The following PCDH15 variants were observed in gnomAD, a reference collection of about 807,000 sequenced individuals.
The protein encoded by PCDH15 is protocadherin related 15.
Under a neutral mutation model 178.5 loss-of-function variants are expected in PCDH15, and 129 were observed. The observed-to-expected ratio is 0.72, with a 90% CI of 0.63 to 0.84. PCDH15 has a LOEUF of 0.84. Ranked by LOEUF, PCDH15 falls within the 40% of genes least tolerant of loss-of-function variation. The probability of loss-of-function intolerance (pLI) is 0.00; values close to 1 mark genes in which losing one functional copy is unlikely to be tolerated. For missense variants in PCDH15, 2,230 were observed against 2,099.9 expected (o/e 1.06, Z -1.21); for synonymous variants, 800 against 732.0 (o/e 1.09, Z -1.50).
chr10:55,612,078 T>G (rs1843378741), intron 2 of PCDH15, among the ~76,000 whole-genome samples: 1 of 152,096 alleles, frequency 6.6e-6, no homozygotes, highest in South Asian at 2.1e-4. Context: ...TTCAGCTAGA[T>G]AGGAGAAATA....
intron 2 of PCDH15, among the ~76,000 whole-genome samples, chr10:54,979,483 A>G (rs1175126340): frequency 6.6e-6 from 1 of 152,066 alleles, no homozygotes; most frequent in Non-Finnish European, 1.5e-5. Context: ...AGCCTGGCCA[A>G]CACAGCAAAG....
chr10:54,021,105 T>C (rs1046178810), intron 19 of PCDH15, among the ~76,000 whole-genome samples: 3 of 151,838 alleles, frequency 2.0e-5, no homozygotes, highest in African/African-American at 7.2e-5. Context: ...AATACTAAAA[T>C]AGAAAGGAAA....
chr10:54,152,978 C>T, intron 14 of PCDH15, 122 bp downstream of exon 14: 2 of 1,213,216 alleles, frequency 1.6e-6, no homozygotes, highest in Non-Finnish European at 1.2e-6. Flanking sequence ...TCTGGTCTCT[C>T]TGATTTTCTG....
At chr10:55,535,776 T>C (rs1841564609) in intron 2 of PCDH15, among the ~76,000 whole-genome samples, 1 of 152,050 alleles carries the variant, frequency 6.6e-6, no homozygotes, top group South Asian at 2.1e-4. Flanking sequence ...TTTAAAAGTT[T>C]GGATAATCTT....
chr10:54,478,805 C>T (rs2078471109), intron 3 of PCDH15, among the ~76,000 whole-genome samples: 2 of 151,466 alleles, frequency 1.3e-5, no homozygotes, highest in South Asian at 2.1e-4. Flanking sequence ...AATACAGCTG[C>T]GGTAAAAAAA....
chr10:54,330,916 AT>A (rs1939394798), intron 6 of PCDH15, among the ~76,000 whole-genome samples: 2 of 151,678 alleles, frequency 1.3e-5, no homozygotes, highest in South Asian at 4.1e-4. Flanking sequence ...TGTGCTTGTG[AT>A]TTTTTTGTGA....
chr10:55,190,477 A>C (rs1839919242), intron 1 of PCDH15, among the ~76,000 whole-genome samples: 1 of 151,800 alleles, frequency 6.6e-6, no homozygotes, highest in South Asian at 2.1e-4. Context: ...ATAATGTGCA[A>C]ACATATTCAG....
intron 8 of PCDH15, among the ~76,000 whole-genome samples, chr10:54,290,696 G>A (rs1470029307): frequency 1.3e-5 from 2 of 152,062 alleles, no homozygotes; most frequent in Non-Finnish European, 2.9e-5. Flanking sequence ...AAGGGATGGA[G>A]GAAGATCTAC....
intron 2 of PCDH15, among the ~76,000 whole-genome samples, chr10:55,565,186 A>T (rs571772659): frequency 6.6e-6 from 1 of 151,854 alleles, no homozygotes; most frequent in African/African-American, 2.4e-5. Flanking sequence ...GAAATTAGTA[A>T]CAAAAGAAAA....
At chr10:55,035,797 AC>A (rs1358078831) in intron 2 of PCDH15, among the ~76,000 whole-genome samples, 3 of 152,176 alleles carry the variant, frequency 2.0e-5, no homozygotes, top group African/African-American at 7.2e-5. Flanking sequence ...GATAATGTAA[AC>A]AAAATAGAAG....
chr10:54,028,705 G>A (rs1201910827), intron 18 of PCDH15, among the ~76,000 whole-genome samples: 3 of 149,050 alleles, frequency 2.0e-5, no homozygotes, highest in East Asian at 4.0e-4. Flanking sequence ...ACCAAACACC[G>A]CATATTGTCA....
chr10:54,977,611 A>G (rs189840828), intron 2 of PCDH15, among the ~76,000 whole-genome samples: 160 of 152,302 alleles, frequency 1.1e-3, no homozygotes, highest in Non-Finnish European at 9.4e-4. Context: ...ATGAATAAAT[A>G]ATAGTAAAAA....
intron 15 of PCDH15, among the ~76,000 whole-genome samples, chr10:54,104,391 C>T (rs1206503785): frequency 1.3e-5 from 2 of 152,152 alleles, no homozygotes; most frequent in Admixed American, 6.5e-5. Flanking sequence ...GCTGTGATTA[C>T]ACCTGTTGTT....
intron 2 of PCDH15, among the ~76,000 whole-genome samples, chr10:54,547,490 A>T (rs2085994358): frequency 6.6e-6 from 1 of 152,122 alleles, no homozygotes; most frequent in African/African-American, 2.4e-5. Flanking sequence ...TTCTGTGTGC[A>T]CTTTGATAGA....
chr10:55,248,528 A>G (rs1483204599), intron 1 of PCDH15, among the ~76,000 whole-genome samples: 5 of 152,172 alleles, frequency 3.3e-5, no homozygotes, highest in African/African-American at 1.2e-4. Flanking sequence ...GGATACGCGG[A>G]TAAGCATCCA....
intron 33 of PCDH15, among the ~76,000 whole-genome samples, chr10:53,819,473 C>T (rs2076178940): frequency 6.6e-6 from 1 of 151,970 alleles, no homozygotes; most frequent in African/African-American, 2.4e-5. Context: ...GCTTTCAAAA[C>T]ATGACTATTG....
At chr10:54,425,252 G>A (rs902493507) in intron 3 of PCDH15, among the ~76,000 whole-genome samples, 1 of 152,072 alleles carries the variant, frequency 6.6e-6, no homozygotes, top group Non-Finnish European at 1.5e-5. Context: ...TCCCTCATGA[G>A]TGGATTAATC....
intron 2 of PCDH15, among the ~76,000 whole-genome samples, chr10:55,521,564 A>G (rs1258847220): frequency 6.6e-6 from 1 of 151,978 alleles, no homozygotes; most frequent in Non-Finnish European, 1.5e-5. Context: ...CATAAGTAAA[A>G]CCATTGTATC....
intron 1 of PCDH15, among the ~76,000 whole-genome samples, chr10:54,720,508 T>A (rs1941405505): frequency 8.8e-6 from 1 of 114,190 alleles, no homozygotes; most frequent in Admixed American, 8.5e-5. Context: ...AGACTATTTT[T>A]AGTCTCTTCC....
Sources: gnomAD v4.1 joint callset for allele counts (sites outside exome capture counted in the v4.1 genomes callset) on GRCh38, gnomAD v4.1.1 for gene constraint, MANE v1.5 for transcripts, NCBI Gene and HGNC (gene_info 2026-07-23, HGNC 2026-07-21) for gene names.